The following FYN variants were observed in gnomAD, a reference collection of about 807,000 sequenced individuals.
FYN encodes the protein tyrosine-protein kinase Fyn.
Under a neutral mutation model 70.2 loss-of-function variants are expected in FYN, and 10 were observed. The ratio of observed to expected loss-of-function variants is 0.14; its 90% CI spans 0.09 to 0.24. FYN has a LOEUF of 0.24. Ranked by LOEUF, FYN falls within the 10% of genes least tolerant of loss-of-function variation. The pLI, the probability that FYN is intolerant of heterozygous loss-of-function variation, is 1.00. For missense variants in FYN, 319 were observed against 673.1 expected (o/e 0.47, Z 5.82); for synonymous variants, 236 against 248.6 (o/e 0.95, Z 0.48).
At position 111,720,028 on chromosome 6, in the gene FYN, A is replaced by T. The variant is rs758583081; in HGVS notation, c.24T>A (p.Asp8Glu). The T allele has an allele frequency of 3.1e-6, 5 of 1,610,622 alleles. No individual in the cohort carries two copies. In the African/African-American group the frequency reaches 5.3e-5, roughly 17 times the overall value. MGCVQCKDKEATKLTEER... is the reference protein window; with the variant it reads MGCVQCKEKEATKLTEER... ...CCTCCGTCAGTTTTGTTGCTTCTTTATCCTTACATTGCACACAGCCCATTA... is the reference window on the plus strand; with the variant it reads ...CCTCCGTCAGTTTTGTTGCTTCTTTTTCCTTACATTGCACACAGCCCATTA... Residue 8 changes from aspartate to glutamate, a missense_variant, in exon 4 of 14, where the codon GAT becomes GAA. Physicochemically the swap from Asp to Glu is conservative, Grantham distance 45. Transcript: ENST00000354650.
chr6:111,699,913 CTTTTTTTTTTTT>C (rs71021861), intron 9 of FYN, 179 bp downstream of exon 9: 6 of 186,568 alleles, frequency 3.2e-5, no homozygotes, highest in South Asian at 9.4e-5. Context: ...CACTTACTAT[CTTTTTTTTTTTT>C]TTTTTTTTTT....
intron 2 of FYN, among the ~76,000 whole-genome samples, chr6:111,836,440 T>C (rs1773189097): frequency 6.6e-6 from 1 of 151,618 alleles, no homozygotes; most frequent in Admixed American, 6.6e-5. Context: ...ATTTTTAAAT[T>C]ATATTTCCAA....
At chr6:111,829,534 C>T (rs1226770860) in intron 2 of FYN, among the ~76,000 whole-genome samples, 1 of 152,108 alleles carries the variant, frequency 6.6e-6, no homozygotes, top group Non-Finnish European at 1.5e-5. Flanking sequence ...ACAGAACAGA[C>T]ACCAATAAGC....
intron 3 of FYN, among the ~76,000 whole-genome samples, chr6:111,742,936 T>C (rs1194473662): frequency 1.3e-5 from 2 of 151,708 alleles, no homozygotes; most frequent in East Asian, 1.9e-4. Flanking sequence ...GTGCTATAAA[T>C]ATTGAGATCA....
At position 111,866,344 on chromosome 6, in the gene FYN, TG is replaced by T. The variant is rs535904833; in HGVS notation, c.-123+6623del. Among the ~76,000 whole-genome samples, 5 of 152,154 alleles carry T rather than the reference TG, an allele frequency of 3.3e-5. No homozygotes were observed. The East Asian group carries it at 9.7e-4, about 29-fold the overall frequency. On this transcript the variant is annotated intron_variant, in intron 1 of 13. Coordinates refer to ENST00000354650, the MANE Select transcript of FYN (RefSeq NM_002037.5). ...CTACCCCAACCTCATGCTTTTGTTT[TG>T]TTTTCTTTTGTTTTGAGACAGAGCC...
chr6:111,679,447 G>A (rs1798690495), intron 12 of FYN, among the ~76,000 whole-genome samples: 1 of 152,168 alleles, frequency 6.6e-6, no homozygotes, highest in Non-Finnish European at 1.5e-5. Context: ...GAGTGCTGGA[G>A]CATGTCTTCC....
At chr6:111,674,728 G>T in intron 12 of FYN, 98 bp from the exon 13 acceptor site, 2 of 1,375,576 alleles carry the variant, frequency 1.5e-6, no homozygotes, top group Non-Finnish European at 2.0e-6. Flanking sequence ...TTTCCTGAGA[G>T]CAGGTTTAGA....
intron 3 of FYN, among the ~76,000 whole-genome samples, chr6:111,777,670 T>C (rs1771005526): frequency 1.3e-5 from 2 of 152,324 alleles, no homozygotes; most frequent in African/African-American, 4.8e-5. Flanking sequence ...CACTGCTCTA[T>C]GTATTTACGT....
rs1800166113 is a variant in FYN, at chr6:111,707,788, G to A, written c.443+134C>T. Reference sequence around the variant, plus strand: ...AGTATTACACAGGGTAAAAACCGGGGCAGAAAGCCTGAAAAACTCAGCCTT... The same window carrying A: ...AGTATTACACAGGGTAAAAACCGGGACAGAAAGCCTGAAAAACTCAGCCTT... On this transcript the variant is annotated intron_variant, in intron 6 of 13. Coordinates refer to ENST00000354650, the MANE Select transcript of FYN (RefSeq NM_002037.5). 1.1e-5 allele frequency: 7 copies of A among 658,938 alleles called. No homozygotes were observed. In the East Asian group the frequency reaches 1.9e-4, roughly 18 times the overall value. 40.8% of individuals were successfully genotyped at this position (658,938 alleles called of 1,614,324 possible).
chr6:111,791,158 G>C (rs1771606269), intron 2 of FYN, among the ~76,000 whole-genome samples: 1 of 152,110 alleles, frequency 6.6e-6, no homozygotes, highest in Non-Finnish European at 1.5e-5. Context: ...CAGATACAAA[G>C]ATTCACTATA....
intron 3 of FYN, among the ~76,000 whole-genome samples, chr6:111,744,633 A>G (rs1187102936): frequency 6.6e-6 from 1 of 152,194 alleles, no homozygotes; most frequent in Non-Finnish European, 1.5e-5. Flanking sequence ...ATCACTAACC[A>G]GATGTGTAAC....
intron 2 of FYN, among the ~76,000 whole-genome samples, chr6:111,782,448 A>G (rs1771210139): frequency 6.6e-6 from 1 of 152,140 alleles, no homozygotes; most frequent in African/African-American, 2.4e-5. Context: ...TGAGGTCCTA[A>G]ACATGTAGAT....
chr6:111,681,865 C>A (rs546311022), intron 12 of FYN, among the ~76,000 whole-genome samples: 4 of 152,178 alleles, frequency 2.6e-5, no homozygotes, highest in South Asian at 4.2e-4. Context: ...AAGCAATGTG[C>A]CAAACAAAGG....
chr6:111,820,703 T>C (rs1439248074), intron 2 of FYN, among the ~76,000 whole-genome samples: 1 of 152,060 alleles, frequency 6.6e-6, no homozygotes, highest in Non-Finnish European at 1.5e-5. Flanking sequence ...AAAGACACTA[T>C]TATTACCAGC....
chr6:111,808,921 AATG>A (rs1772238342), intron 2 of FYN, among the ~76,000 whole-genome samples: 1 of 152,220 alleles, frequency 6.6e-6, no homozygotes, highest in Admixed American at 6.5e-5. Flanking sequence ...CCATGCAAGA[AATG>A]ATATCTTACT....
At chr6:111,684,299 G>A (rs1240897907) in intron 12 of FYN, among the ~76,000 whole-genome samples, 1 of 152,124 alleles carries the variant, frequency 6.6e-6, no homozygotes, top group Non-Finnish European at 1.5e-5. Context: ...TCCAAAGTCT[G>A]GTTGAGTGGA....
At chr6:111,718,560 AAC>A (rs1800780170) in intron 4 of FYN, among the ~76,000 whole-genome samples, 1 of 152,174 alleles carries the variant, frequency 6.6e-6, no homozygotes, top group African/African-American at 2.4e-5. Context: ...CAGTAGAATT[AAC>A]AGTCTGGGCT....
At chr6:111,716,892 C>T (rs1321066187) in intron 4 of FYN, among the ~76,000 whole-genome samples, 2 of 150,864 alleles carry the variant, frequency 1.3e-5, no homozygotes, top group African/African-American at 4.9e-5. Flanking sequence ...TCAAGTGATT[C>T]TCCTGCCTCA....
At chr6:111,809,645 C>T (rs939847017) in intron 2 of FYN, among the ~76,000 whole-genome samples, 1 of 152,208 alleles carries the variant, frequency 6.6e-6, no homozygotes, top group Non-Finnish European at 1.5e-5. Context: ...CCCTCCAACA[C>T]CTGCCAATCC....
Sources: allele counts gnomAD v4.1 joint callset (sites outside exome capture counted in the v4.1 genomes callset), GRCh38; gene constraint gnomAD v4.1.1; transcripts MANE v1.5; gene names NCBI Gene and HGNC (gene_info 2026-07-23, HGNC 2026-07-21).